SCN3B: variants seen among roughly 807,000 people sequenced by gnomAD.
SCN3B encodes the protein sodium voltage-gated channel beta subunit 3, also known as sodium channel regulatory subunit beta-3.
Under a neutral mutation model 25.4 loss-of-function variants are expected in SCN3B, and 11 were observed. That is an observed-to-expected ratio of 0.43 (90% CI 0.27 to 0.72). The LOEUF is 0.72. Among genes scored for constraint, SCN3B ranks in the 30% least tolerant of loss-of-function variants. The pLI is 0.18. For missense variants in SCN3B, 218 were observed against 278.3 expected, an observed-to-expected ratio of 0.78 and a Z score of 1.54; for synonymous variants, 109 against 110.7, an observed-to-expected ratio of 0.99 and a Z score of 0.09.
chr11:123,644,282 G>C (rs1431204724), intron 3 of SCN3B, among the ~76,000 whole-genome samples: 1 of 152,048 alleles, frequency 6.6e-6, no homozygotes, highest in Non-Finnish European at 1.5e-5. Context: ...ATGAGTCCTG[G>C]TAACAGCCCT....
intron 3 of SCN3B, 126 bp downstream of exon 3, chr11:123,645,461 A>G: frequency 9.9e-7 from 1 of 1,009,022 alleles, no homozygotes; most frequent in South Asian, 1.3e-5. Context: ...TCTGCTGAGG[A>G]TCTGTCAGTG....
chr11:123,649,863 C>G (rs1955903784), intron 2 of SCN3B, among the ~76,000 whole-genome samples: 1 of 152,038 alleles, frequency 6.6e-6, no homozygotes, highest in African/African-American at 2.4e-5. Context: ...GCCATCACGC[C>G]CAGCTAATTT....
At chr11:123,653,676 C>CATCA (rs1214101450) in intron 2 of SCN3B, 71 bp downstream of exon 2, 2 of 1,549,194 alleles carry the variant, frequency 1.3e-6, no homozygotes, top group Non-Finnish European at 1.8e-6. Flanking sequence ...TCACCAACGA[C>CATCA]ATCAATGTGT....
chr11:123,633,897 T>A (rs72552150), intron 6 of SCN3B, 121 bp from the exon 7 acceptor site: 5 of 484,176 alleles, frequency 1.0e-5, no homozygotes, highest in Non-Finnish European at 1.9e-5. Flanking sequence ...CATGGGCAAG[T>A]TCAGATTGCC....
rs544587428 is a variant in SCN3B at position 123,642,890 on chromosome 11, C to T, written c.220-219G>A. On this transcript the variant is annotated intron_variant, in intron 3 of 6. Coordinates refer to ENST00000299333, the MANE Select transcript of SCN3B (RefSeq NM_001040151.2). The surrounding 1 kb of genome is among the most constrained non-coding windows in gnomAD (Gnocchi z 4.3). ...GACAGGGAAGGACAGGCAGAGGCAG[C>T]AGGCATCAGGGCATGTGGACGTGGT... Among the ~76,000 whole-genome samples the T allele has an allele frequency of 6.6e-6, 1 of 151,992 alleles. No individual in the cohort carries two copies. Among genetic ancestry groups the T allele is most frequent in the East Asian group, 1.9e-4 (1 of 5,166 alleles).
intron 6 of SCN3B, 52 bp downstream of exon 6, chr11:123,634,069 G>A: frequency 2.1e-6 from 3 of 1,434,144 alleles, no homozygotes; most frequent in Admixed American, 1.7e-5. Flanking sequence ...AAAGTCACTT[G>A]TACAACCTGC....
At chr11:123,651,635 A>C (rs189244965) in intron 2 of SCN3B, among the ~76,000 whole-genome samples, 8 of 152,344 alleles carry the variant, frequency 5.3e-5, no homozygotes, top group Admixed American at 3.9e-4. Flanking sequence ...AATTGTTGGG[A>C]TTACAGGCGT....
At chr11:123,653,601 G>T in intron 2 of SCN3B, 146 bp downstream of exon 2, 1 of 914,798 alleles carries the variant, frequency 1.1e-6, no homozygotes. Flanking sequence ...AGCTCTCATG[G>T]AACCCCTGCC....
At chr11:123,651,023 G>A (rs2137253910) in intron 2 of SCN3B, among the ~76,000 whole-genome samples, 1 of 152,088 alleles carries the variant, frequency 6.6e-6, no homozygotes, top group South Asian at 2.1e-4. Flanking sequence ...AGGAGTTAGA[G>A]ACCAGCCTGG....
At chr11:123,644,418 G>A (rs371502872) in intron 3 of SCN3B, among the ~76,000 whole-genome samples, 3 of 152,120 alleles carry the variant, frequency 2.0e-5, no homozygotes, top group East Asian at 3.9e-4. Context: ...AACCCAGGTG[G>A]CCTGGCTCCA....
chr11:123,637,489 C>T lies in SCN3B; in HGVS notation c.584+697G>A, dbSNP rs150687353. Among the ~76,000 whole-genome samples, 415 of 152,130 alleles carry T rather than the reference C, an allele frequency of 2.7e-3. 1 individual carries two copies. The highest frequency in any genetic ancestry group is 8.4e-3 in the African/African-American group (349 of 41,496). On this transcript the variant is annotated intron_variant, in intron 5 of 6. Coordinates refer to ENST00000299333, the MANE Select transcript of SCN3B (RefSeq NM_001040151.2). ...ATGAGTCGGCTTGGCATTTACAGAA[C>T]GGTTATAATAATGTTACTTTTTTGT...
At position 123,654,598 on chromosome 11, in the gene SCN3B, AGCCCTGACAT is replaced by A. The variant is rs1565500110; in HGVS notation, c.-408_-399del. ...AGGCCCCCAGGCCGTGTGTGCTGTC[AGCCCTGACAT>A]GCGCAGGCGGCTCTCCGCCACCACC... On this transcript the variant is annotated 5_prime_UTR_variant, in exon 1 of 7. It removes an upstream start codon present in the reference 5' UTR. Transcript: ENST00000299333. The A allele has an allele frequency of 6.5e-6, 1 of 152,720 alleles. No individual in the cohort carries two copies. Among genetic ancestry groups the A allele is most frequent in the Non-Finnish European group, 1.5e-5 (1 of 68,492 alleles). 9.5% of individuals were successfully genotyped at this position (152,720 alleles called of 1,614,324 possible).
chr11:123,638,063 T>A, intron 5 of SCN3B, 123 bp downstream of exon 5: 1 of 1,178,850 alleles, frequency 8.5e-7, no homozygotes, highest in East Asian at 2.5e-5. Flanking sequence ...ATGGTGCCTA[T>A]CTCTTAAGCA....
intron 6 of SCN3B, 148 bp from the exon 7 acceptor site, chr11:123,633,924 A>G (rs1955698261): frequency 1.8e-6 from 1 of 552,322 alleles, no homozygotes; most frequent in Admixed American, 2.5e-5. Context: ...CTCAGGTCAA[A>G]GCAGTTCACC....
intron 2 of SCN3B, among the ~76,000 whole-genome samples, chr11:123,652,818 A>G (rs578153502): frequency 6.6e-6 from 1 of 152,194 alleles, no homozygotes; most frequent in African/African-American, 2.4e-5. Flanking sequence ...TCAGATGTCT[A>G]TGCCAACATG....
Position 123,642,603 on chromosome 11 carries a change from G to A in SCN3B, c.288C>T (p.Gly96=). The change falls in exon 4 of 7, where the codon GGC becomes GGT. Residue 96 remains glycine (G), a synonymous_variant. Coordinates refer to ENST00000299333, the MANE Select transcript of SCN3B (RefSeq NM_001040151.2). This position sits in a 1 kb window ranked among gnomAD's most constrained non-coding sequence, Gnocchi z 4.3. ...SPFQGRLQWN[G]SKDLQDVSIT... The stretch of plus-strand genomic sequence containing the variant: ...TGGACACGTCCTGCAGGTCCTTGCT[G>A]CCATTCCACTGCAGGCGCCCCTGAA... 1 of 1,614,184 alleles carries A rather than the reference G, an allele frequency of 6.2e-7. No individual in the cohort carries two copies. Among genetic ancestry groups the A allele is most frequent in the Non-Finnish European group, 8.5e-7 (1 of 1,180,026 alleles).
intron 2 of SCN3B, among the ~76,000 whole-genome samples, chr11:123,646,415 G>A (rs1315561234): frequency 6.6e-6 from 1 of 152,216 alleles, no homozygotes; most frequent in Non-Finnish European, 1.5e-5. Flanking sequence ...CCCTTCCAGT[G>A]TGAGGTATCC....
chr11:123,649,602 CCTTTCTTTTTCTTTT>C (rs1163672175), intron 2 of SCN3B, among the ~76,000 whole-genome samples: 1 of 151,810 alleles, frequency 6.6e-6, no homozygotes, highest in Non-Finnish European at 1.5e-5. Context: ...CTTTCTTTCT[CCTTTCTTTTTCTTTT>C]CTTTCTTTTT....
chr11:123,637,288 C>T (rs1955739401), intron 5 of SCN3B, among the ~76,000 whole-genome samples: 1 of 152,154 alleles, frequency 6.6e-6, no homozygotes, highest in Non-Finnish European at 1.5e-5. Context: ...GGGGAAATAA[C>T]ATGTTGCTTG....
Sources: gnomAD v4.1 joint callset for allele counts (sites outside exome capture counted in the v4.1 genomes callset) on GRCh38, gnomAD v4.1.1 for gene constraint, Gnocchi (gnomAD v3.1) non-coding constraint, MANE v1.5 for transcripts, NCBI Gene and HGNC (gene_info 2026-07-23, HGNC 2026-07-21) for gene names.